The following NAV1 variants were observed in gnomAD, a reference collection of about 807,000 sequenced individuals.
The protein encoded by NAV1 is pore membrane and/or filament interacting like protein 3.
Under a neutral mutation model 175.2 loss-of-function variants are expected in NAV1, and 18 were observed. The observed-to-expected ratio is 0.10, with a 90% CI of 0.07 to 0.15. The LOEUF (loss-of-function observed/expected upper bound fraction) is 0.15, where lower values mean the gene tolerates loss of function less well. NAV1 is among the 10% of genes least tolerant of loss of function. The pLI, the probability that NAV1 is intolerant of heterozygous loss-of-function variation, is 1.00. For synonymous variants in NAV1, 897 were observed against 978.7 expected (o/e 0.92, Z 1.56); for missense variants, 1,731 against 2,436.6 (o/e 0.71, Z 6.10).
At chr1:201,602,114 C>A (rs1667533083) in intron 2 of NAV1, among the ~76,000 whole-genome samples, 1 of 152,152 alleles carries the variant, frequency 6.6e-6, no homozygotes, top group Non-Finnish European at 1.5e-5. Context: ...AAACACCAAT[C>A]CAATTAGAAC....
At position 201,794,588 on chromosome 1, in the gene NAV1, C is replaced by G. The variant is rs891198094; in HGVS notation, c.3517+11C>G. The G allele has an allele frequency of 2.9e-5, 46 of 1,604,976 alleles. No homozygotes were observed. Among genetic ancestry groups the G allele is most frequent in the Non-Finnish European group, 3.6e-5 (42 of 1,171,790 alleles). On this transcript the variant is annotated intron_variant, in intron 15 of 29. Transcript: ENST00000367296. ...AAACCACACCCAAAGGTAGGACATC[C>G]AGCCACAGATTGAGAGGGAACAGGG...
chr1:201,622,896 G>A, upstream of NAV1: 1 of 986,164 alleles, frequency 1.0e-6, no homozygotes, highest in South Asian at 4.7e-5. Context: ...TGAATGGGAT[G>A]GCCAATGTGA....
Position 201,810,180 on chromosome 1 carries a change from A to C in NAV1, c.4561+75A>C. The C allele has an allele frequency of 6.4e-7, 1 of 1,553,540 alleles. No homozygotes were observed. Among genetic ancestry groups the C allele is most frequent in the South Asian group, 1.2e-5 (1 of 85,350 alleles). On this transcript the variant is annotated intron_variant, in intron 23 of 29. Coordinates refer to ENST00000367296, the Ensembl canonical transcript of NAV1. This position sits in a 1 kb window ranked among gnomAD's most constrained non-coding sequence, Gnocchi z 6.0. ...AGGATCATCAAATAATCCATCATGC[A>C]TTCATTCACCAAGAACTCACTGAGA... is the stretch of plus-strand genomic sequence containing the variant.
chr1:201,825,106 CAAAG>C (rs1405650476), exon 30 of NAV1: 3 of 152,114 alleles, frequency 2.0e-5, no homozygotes, highest in African/African-American at 7.2e-5. Context: ...ATGATTTTAA[CAAAG>C]AAAGGTATGT....
intron 1 of NAV1, among the ~76,000 whole-genome samples, chr1:201,703,514 A>G (rs1671532998): frequency 6.6e-6 from 1 of 152,022 alleles, no homozygotes; most frequent in Non-Finnish European, 1.5e-5. Context: ...ACTCCTTCCA[A>G]ACAGGGCTCG....
chr1:201,801,858 A>G (rs1469939241), intron 15 of NAV1, among the ~76,000 whole-genome samples: 3 of 152,044 alleles, frequency 2.0e-5, no homozygotes, highest in Non-Finnish European at 2.9e-5. Context: ...TGAGGGGGCC[A>G]AGCACGGTAG....
chr1:201,670,108 C>T (rs996689617), intron 1 of NAV1, among the ~76,000 whole-genome samples: 2 of 151,706 alleles, frequency 1.3e-5, no homozygotes, highest in African/African-American at 4.8e-5. Flanking sequence ...AAGGTAAGCT[C>T]GGGCCGGGTG....
chr1:201,722,526 C>T (rs1311917752), intron 3 of NAV1, among the ~76,000 whole-genome samples: 1 of 152,184 alleles, frequency 6.6e-6, no homozygotes, highest in East Asian at 1.9e-4. Flanking sequence ...GTTGTTACCA[C>T]CTTTTGGCTA....
chr1:201,783,577 C>G (rs568935530), exon 7 of NAV1: 7 of 1,614,196 alleles, frequency 4.3e-6, no homozygotes, highest in South Asian at 3.3e-5. Context: ...GCTTCACCCC[C>G]AGTCCGGCAC....
At chr1:201,658,438 G>C (rs1669488455) in intron 1 of NAV1, among the ~76,000 whole-genome samples, 1 of 152,170 alleles carries the variant, frequency 6.6e-6, no homozygotes, top group African/African-American at 2.4e-5. Context: ...TGTGAGTTTT[G>C]ATAGAAGGGT....
intron 15 of NAV1, among the ~76,000 whole-genome samples, chr1:201,802,473 A>AAAAAAG (rs1677988292): frequency 8.8e-6 from 1 of 113,114 alleles, no homozygotes; most frequent in African/African-American, 3.0e-5. Context: ...AAAAAAAAAA[A>AAAAAAG]AAAGAAAGAA....
chr1:201,550,472 T>C (rs1665825390), intron 1 of NAV1, among the ~76,000 whole-genome samples: 3 of 152,256 alleles, frequency 2.0e-5, no homozygotes, highest in African/African-American at 4.8e-5. Context: ...ATCCTTGGCC[T>C]ATAATTTCAC....
chr1:201,573,531 C>T lies in NAV1; in HGVS notation c.-143-15008C>T, dbSNP rs1194871288. On this transcript the variant is annotated intron_variant, in intron 1 of 33. Transcript: ENST00000685211. Reference sequence around the variant, plus strand: ...GAGCTTTGTCCCCTCCCCTACATGTCTGTCACACACCCCCTCCCTGCCTCC... The same window carrying T: ...GAGCTTTGTCCCCTCCCCTACATGTTTGTCACACACCCCCTCCCTGCCTCC... 2.6e-5 allele frequency among the ~76,000 whole-genome samples: 4 copies of T among 152,204 alleles called. No individual in the cohort carries two copies. In the South Asian group the frequency reaches 6.2e-4, roughly 24 times the overall value.
At chr1:201,571,314 G>A (rs919790213) in intron 1 of NAV1, among the ~76,000 whole-genome samples, 9 of 152,210 alleles carry the variant, frequency 5.9e-5, no homozygotes, top group African/African-American at 2.2e-4. Context: ...ATGTGTGCAG[G>A]GTTCCTAGAA....
Position 201,561,375 on chromosome 1 carries a change from G to T in NAV1, c.-144+22033G>T, listed in dbSNP as rs991350712. Among the ~76,000 whole-genome samples, 11 of 152,208 alleles carry T rather than the reference G, an allele frequency of 7.2e-5. 1 individual carries two copies. Among genetic ancestry groups the T allele is most frequent in the Admixed American group, 6.5e-4 (10 of 15,280 alleles). ...AAACGAATCTGCCCCATCACACATG[G>T]TGTTACGCAAAAACAGGATGTGGGA... On this transcript the variant is annotated intron_variant, in intron 1 of 33. Coordinates refer to the NAV1 transcript ENST00000685211.
chr1:201,600,246 G>A (rs1425502302), intron 2 of NAV1, among the ~76,000 whole-genome samples: 1 of 152,304 alleles, frequency 6.6e-6, no homozygotes, highest in East Asian at 1.9e-4. Flanking sequence ...CTCCTCCCTT[G>A]ACTTGCTTTC....
At chr1:201,679,217 C>T (rs1367404015) in intron 1 of NAV1, among the ~76,000 whole-genome samples, 3 of 152,170 alleles carry the variant, frequency 2.0e-5, no homozygotes, top group Non-Finnish European at 4.4e-5. Flanking sequence ...GCAGTGGTCT[C>T]ATTTACAACT....
intron 1 of NAV1, among the ~76,000 whole-genome samples, chr1:201,685,405 G>A (rs749839277): frequency 1.6e-4 from 24 of 152,212 alleles, no homozygotes; most frequent in Non-Finnish European, 2.9e-4. Flanking sequence ...AGATGTGCAG[G>A]ATTTCCAGCC....
At position 201,782,276 on chromosome 1, in the gene NAV1, T is replaced by C. The variant is rs760531687; in HGVS notation, c.1764T>C (p.Asp588=). Residue 588 remains aspartate, a synonymous_variant, in exon 6 of 30, where the codon GAT becomes GAC. Coordinates refer to ENST00000367296, the Ensembl canonical transcript of NAV1. The surrounding 1 kb of genome is among the most constrained non-coding windows in gnomAD (Gnocchi z 5.4). ...ATGCTGGTCGGGACCGCCTGAGTGA[T>C]GCTAAGAAGCCCCCCTCGGGCATTG... is the stretch of plus-strand genomic sequence containing the variant. 1.7e-5 allele frequency: 27 copies of C among 1,614,212 alleles called. No individual in the cohort carries two copies. Among genetic ancestry groups the C allele is most frequent in the Non-Finnish European group, 2.1e-5 (25 of 1,180,038 alleles).
Sources: allele counts gnomAD v4.1 joint callset (sites outside exome capture counted in the v4.1 genomes callset), GRCh38; gene constraint gnomAD v4.1.1; non-coding constraint Gnocchi (gnomAD v3.1); transcripts MANE v1.5; gene names NCBI Gene and HGNC (gene_info 2026-07-23, HGNC 2026-07-21).